The following CHSY3 variants were observed in gnomAD, a reference collection of about 807,000 sequenced individuals.
The protein encoded by CHSY3 is chondroitin sulfate synthase 3, also known as N-acetylgalactosaminyl-proteoglycan 3-beta-glucuronosyltransferase 3.
In CHSY3, 35 loss-of-function variants were observed where a neutral mutation model predicts 67.2. That is an observed-to-expected ratio of 0.52 (90% CI 0.40 to 0.69). CHSY3 has a LOEUF of 0.69. Among genes scored for constraint, CHSY3 ranks in the 30% least tolerant of loss-of-function variants. CHSY3 has a pLI of 0.00. For synonymous variants in CHSY3, 474 were observed against 434.7 expected (o/e 1.09, Z -1.12); for missense variants, 1,069 against 1,138.5 (o/e 0.94, Z 0.88).
At chr5:130,136,449 G>A (rs1768666102) in intron 2 of CHSY3, among the ~76,000 whole-genome samples, 1 of 152,150 alleles carries the variant, frequency 6.6e-6, no homozygotes, top group Non-Finnish European at 1.5e-5. Flanking sequence ...AGTGATATAA[G>A]TGAATTTTAA....
At chr5:130,098,709 T>C (rs1418991617) in intron 2 of CHSY3, among the ~76,000 whole-genome samples, 1 of 152,178 alleles carries the variant, frequency 6.6e-6, no homozygotes, top group Non-Finnish European at 1.5e-5. Context: ...AGTTTCCTAA[T>C]TCCACTTTCT....
At position 130,104,840 on chromosome 5, in the gene CHSY3, T is replaced by C. The variant is rs542553706; in HGVS notation, c.1087-79389T>C. Among the ~76,000 whole-genome samples, 5 of 151,916 alleles carry C rather than the reference T, an allele frequency of 3.3e-5. No individual in the cohort carries two copies. In the East Asian group the frequency reaches 9.7e-4, roughly 29 times the overall value. On this transcript the variant is annotated intron_variant, in intron 2 of 2. Coordinates refer to ENST00000305031, the MANE Select transcript of CHSY3 (RefSeq NM_175856.5). ...TAATGAAATAAAAATATCATGCAGTTTATATGACTAATTAAATGTATCATT... is the reference window on the plus strand; with the variant it reads ...TAATGAAATAAAAATATCATGCAGTCTATATGACTAATTAAATGTATCATT...
intron 2 of CHSY3, among the ~76,000 whole-genome samples, chr5:130,046,856 G>A (rs898156887): frequency 1.3e-5 from 2 of 151,818 alleles, no homozygotes; most frequent in Non-Finnish European, 2.9e-5. Flanking sequence ...TTAATTAAAA[G>A]TTCAGTGTAT....
At chr5:130,087,982 G>A (rs1210855056) in intron 2 of CHSY3, among the ~76,000 whole-genome samples, 6 of 151,978 alleles carry the variant, frequency 3.9e-5, no homozygotes, top group African/African-American at 9.7e-5. Context: ...ACAAGGCTAT[G>A]GTAACCAAAA....
intron 2 of CHSY3, among the ~76,000 whole-genome samples, chr5:130,126,255 G>A (rs1007995282): frequency 1.3e-5 from 2 of 150,600 alleles, no homozygotes; most frequent in African/African-American, 4.9e-5. Context: ...CTTACCTAAG[G>A]AAAAAAGACC....
chr5:130,119,160 A>G (rs1023972697), intron 2 of CHSY3, among the ~76,000 whole-genome samples: 1 of 152,144 alleles, frequency 6.6e-6, no homozygotes, highest in East Asian at 1.9e-4. Flanking sequence ...TGAGGTGCAG[A>G]GAGGATATAT....
intron 2 of CHSY3, among the ~76,000 whole-genome samples, chr5:130,153,316 G>A (rs1017062164): frequency 1.3e-5 from 2 of 151,404 alleles, no homozygotes; most frequent in African/African-American, 2.4e-5. Context: ...AAAAACATAC[G>A]ACATAATTCA....
chr5:130,155,464 T>C (rs1398873807), intron 2 of CHSY3, among the ~76,000 whole-genome samples: 3 of 152,232 alleles, frequency 2.0e-5, no homozygotes, highest in African/African-American at 7.2e-5. Flanking sequence ...GTTTATTTCA[T>C]GTTTAATGCA....
intron 2 of CHSY3, among the ~76,000 whole-genome samples, chr5:129,992,403 A>T (rs1763395483): frequency 6.6e-6 from 1 of 152,154 alleles, no homozygotes; most frequent in Non-Finnish European, 1.5e-5. Context: ...CATAGTTTTC[A>T]GTTAGGAATC....
At chr5:130,090,521 C>A (rs953737032) in intron 2 of CHSY3, among the ~76,000 whole-genome samples, 11 of 152,104 alleles carry the variant, frequency 7.2e-5, no homozygotes, top group Non-Finnish European at 1.0e-4. Flanking sequence ...TGGTGTTTCA[C>A]CTCTCACCAC....
chr5:130,092,136 C>G (rs1323250645), intron 2 of CHSY3, among the ~76,000 whole-genome samples: 3 of 152,182 alleles, frequency 2.0e-5, no homozygotes, highest in African/African-American at 7.2e-5. Flanking sequence ...CTGGACCCCA[C>G]TATGCACTGC....
intron 2 of CHSY3, among the ~76,000 whole-genome samples, chr5:130,060,683 C>G (rs1247300871): frequency 6.6e-6 from 1 of 152,124 alleles, no homozygotes; most frequent in South Asian, 2.1e-4. Context: ...CCAAAAGACT[C>G]CTAGACTTCA....
chr5:130,035,408 A>G (rs1286523862), intron 2 of CHSY3, among the ~76,000 whole-genome samples: 1 of 152,182 alleles, frequency 6.6e-6, no homozygotes, highest in Non-Finnish European at 1.5e-5. Flanking sequence ...AAATATGAGT[A>G]TCTGCAGTCC....
At chr5:130,175,025 G>C (rs1770002732) in intron 2 of CHSY3, among the ~76,000 whole-genome samples, 1 of 152,110 alleles carries the variant, frequency 6.6e-6, no homozygotes, top group African/African-American at 2.4e-5. Flanking sequence ...GGGAATCTAA[G>C]TCTCTCCGTA....
intron 2 of CHSY3, among the ~76,000 whole-genome samples, chr5:130,074,228 G>A (rs775560080): frequency 4.0e-5 from 6 of 151,834 alleles, no homozygotes; most frequent in Admixed American, 1.3e-4. Context: ...ACGCCATGAC[G>A]CCTAGCTAAT....
Position 129,905,840 on chromosome 5 carries a change from A to G in CHSY3, c.802+209A>G, listed in dbSNP as rs1760270559. Reference sequence around the variant, plus strand: ...CTTCTGCAATCTGGACCCTCCTCACACCTGCCTGGCTTTATTCGCCTTCCT... The same window carrying G: ...CTTCTGCAATCTGGACCCTCCTCACGCCTGCCTGGCTTTATTCGCCTTCCT... On this transcript the variant is annotated intron_variant, in intron 1 of 2. Coordinates refer to ENST00000305031, the MANE Select transcript of CHSY3 (RefSeq NM_175856.5). 10 of 1,050,986 alleles carry G rather than the reference A, an allele frequency of 9.5e-6. No individual in the cohort carries two copies. The South Asian group carries it at 2.1e-4, about 22-fold the overall frequency. The allele number at this position is 1,050,986 out of a possible 1,614,324, so 65.1% of individuals were successfully genotyped here.
intron 2 of CHSY3, chr5:130,141,386 C>G: frequency 2.7e-6 from 1 of 376,492 alleles, no homozygotes; most frequent in Non-Finnish European, 5.3e-6. Context: ...CAACAACCTG[C>G]TTGTCAAGTT....
At chr5:130,012,914 G>A (rs1009270536) in intron 2 of CHSY3, among the ~76,000 whole-genome samples, 19 of 151,896 alleles carry the variant, frequency 1.3e-4, no homozygotes, top group Admixed American at 6.6e-4. Context: ...TCAAAGTCTC[G>A]TCTGAGACAA....
In CHSY3 at chr5:130,175,582, A is replaced by T. The variant is rs150510507; in HGVS notation, c.1087-8647A>T. The stretch of plus-strand genomic sequence containing the variant: ...TAAGCAAAAGAACAAAGCTGGAGGC[A>T]TCATGCTACCTGACTTCAAACTATA... On this transcript the variant is annotated intron_variant, in intron 2 of 2. Transcript: ENST00000305031. 7.4e-3 allele frequency among the ~76,000 whole-genome samples: 1,129 copies of T among 152,352 alleles called. 3 individuals carry two copies. The highest frequency in any genetic ancestry group is 0.025 in the African/African-American group (1,026 of 41,584).
Sources: allele counts gnomAD v4.1 joint callset (sites outside exome capture counted in the v4.1 genomes callset), GRCh38; gene constraint gnomAD v4.1.1; transcripts MANE v1.5; gene names NCBI Gene and HGNC (gene_info 2026-07-23, HGNC 2026-07-21).